TBL1XR1: variants seen among roughly 807,000 people sequenced by gnomAD.
TBL1XR1 encodes F-box-like/WD repeat-containing protein TBL1XR1.
In TBL1XR1, 5 loss-of-function variants were observed where a neutral mutation model predicts 66.9. The observed-to-expected ratio is 0.07, with a 90% CI of 0.04 to 0.16. The LOEUF (loss-of-function observed/expected upper bound fraction) is 0.16. Among genes scored for constraint, TBL1XR1 ranks in the 10% least tolerant of loss-of-function variants. The probability of loss-of-function intolerance (pLI) is 1.00; values close to 1 mark genes in which losing one functional copy is unlikely to be tolerated. For synonymous variants in TBL1XR1, 210 were observed against 206.0 expected, an observed-to-expected ratio of 1.02 and a Z score of -0.17; for missense variants, 238 against 623.2, an observed-to-expected ratio of 0.38 and a Z score of 6.58.
upstream of TBL1XR1, chr3:177,201,616 T>G (rs1232916127): frequency 6.6e-6 from 1 of 152,182 alleles, no homozygotes; most frequent in Non-Finnish European, 1.5e-5. Context: ...TCATGATGTT[T>G]TAAATTGTTT....
At chr3:177,179,573 A>G (rs1734562170) in intron 1 of TBL1XR1, among the ~76,000 whole-genome samples, 1 of 152,236 alleles carries the variant, frequency 6.6e-6, no homozygotes, top group Non-Finnish European at 1.5e-5. Flanking sequence ...AGTTTCTCCC[A>G]GGAGTGAAGC....
chr3:177,196,019 CAAAG>C lies in TBL1XR1; in HGVS notation c.-122+1098_-122+1101del, dbSNP rs539216032. 2.4e-3 allele frequency among the ~76,000 whole-genome samples: 358 copies of C among 152,210 alleles called. 1 individual carries two copies. The highest frequency in any genetic ancestry group is 7.9e-3 in the African/African-American group (329 of 41,534). On this transcript the variant is annotated intron_variant, in intron 1 of 15. Coordinates refer to ENST00000457928, the MANE Select transcript of TBL1XR1 (RefSeq NM_024665.7). ...TCTTAGAGACACTTAGATAACCTAA[CAAAG>C]AGAGCATTTTTTAAAAGCCACAACC...
intron 13 of TBL1XR1, 116 bp from the exon 14 acceptor site, chr3:177,033,252 G>A: frequency 1.3e-6 from 1 of 741,004 alleles, no homozygotes; most frequent in South Asian, 4.3e-5. Context: ...TTTATGAGAA[G>A]CAGACCGACT....
Position 177,113,851 on chromosome 3 carries a change from A to G in TBL1XR1, c.-121-15310T>C, listed in dbSNP as rs561222930. On this transcript the variant is annotated intron_variant, in intron 1 of 15. Transcript: ENST00000457928. ...TCAGTATGAACATTATCAAAAAGAC[A>G]AAAGACAACAAGTGCTGCTGAGAAT... is the stretch of plus-strand genomic sequence containing the variant. Among the ~76,000 whole-genome samples, 36 of 152,314 alleles carry G rather than the reference A, an allele frequency of 2.4e-4. No homozygotes were observed. In the East Asian group the frequency reaches 5.0e-3, roughly 21 times the overall value.
At chr3:177,046,214 T>A (rs1274373858) in intron 9 of TBL1XR1, 25 bp from the exon 10 acceptor site, 1 of 1,516,832 alleles carries the variant, frequency 6.6e-7, no homozygotes, top group Non-Finnish European at 8.8e-7. Context: ...AAAAGAAAAA[T>A]AAACTCATGG....
intron 14 of TBL1XR1, chr3:177,032,741 A>G (rs996489830): frequency 8.6e-6 from 3 of 347,170 alleles, no homozygotes; most frequent in Non-Finnish European, 1.5e-5. Flanking sequence ...AAACCGTTGG[A>G]AAAAAACAAA....
intron 2 of TBL1XR1, among the ~76,000 whole-genome samples, chr3:177,089,987 G>T (rs960425247): frequency 7.2e-5 from 11 of 152,220 alleles, no homozygotes; most frequent in African/African-American, 2.7e-4. Context: ...GGGAAAGAGG[G>T]AACCTCGTAT....
chr3:177,069,798 AAGG>A (rs796080126), intron 2 of TBL1XR1, among the ~76,000 whole-genome samples: 850 of 65,058 alleles, frequency 0.013, 6 homozygotes, highest in Non-Finnish European at 0.02. Flanking sequence ...GAAGGAAAGG[AAGG>A]AAGGAAGGAA....
At chr3:177,070,652 C>T (rs558788437) in intron 2 of TBL1XR1, among the ~76,000 whole-genome samples, 1 of 152,128 alleles carries the variant, frequency 6.6e-6, no homozygotes, top group Non-Finnish European at 1.5e-5. Flanking sequence ...AGTTCAGGGC[C>T]AGCCTGGCCA....
At chr3:177,068,958 T>G (rs1463659575) in intron 2 of TBL1XR1, among the ~76,000 whole-genome samples, 1 of 152,262 alleles carries the variant, frequency 6.6e-6, no homozygotes, top group Non-Finnish European at 1.5e-5. Flanking sequence ...AACTAAAGTA[T>G]AATTATAACT....
rs572070083 is a variant in TBL1XR1, at chr3:177,021,027, T to G, written c.*4471A>C. 1.3e-5 allele frequency: 2 copies of G among 152,282 alleles called. No homozygotes were observed. Among genetic ancestry groups the G allele is most frequent in the Admixed American group, 6.5e-5 (1 of 15,294 alleles). The allele number at this position is 152,282 out of a possible 1,614,324, so 9.4% of individuals were successfully genotyped here. ...CTGAACAATGAAGTTCTTTAACATG[T>G]ACAAAAACCTGTCATGGGCTGGTTT... On this transcript the variant is annotated 3_prime_UTR_variant, in exon 16 of 16. Transcript: ENST00000457928.
intron 3 of TBL1XR1, among the ~76,000 whole-genome samples, chr3:177,061,491 T>G (rs900907886): frequency 1.3e-5 from 2 of 152,188 alleles, no homozygotes; most frequent in Non-Finnish European, 2.9e-5. Context: ...CATAATGTGT[T>G]TTTGGACAGT....
At chr3:177,060,307 A>G (rs1215718509) in intron 3 of TBL1XR1, among the ~76,000 whole-genome samples, 2 of 152,224 alleles carry the variant, frequency 1.3e-5, no homozygotes, top group East Asian at 3.8e-4. Flanking sequence ...AGTATGCAAC[A>G]TCGGTTATTT....
chr3:177,082,822 C>A (rs1721601405), intron 2 of TBL1XR1, among the ~76,000 whole-genome samples: 1 of 144,020 alleles, frequency 6.9e-6, no homozygotes, highest in Non-Finnish European at 1.5e-5. Context: ...GTGGCACCAT[C>A]TGGGCTCACT....
intron 2 of TBL1XR1, among the ~76,000 whole-genome samples, chr3:177,086,725 T>A (rs1722170528): frequency 6.6e-6 from 1 of 151,830 alleles, no homozygotes; most frequent in Non-Finnish European, 1.5e-5. Flanking sequence ...ACGGAACATA[T>A]ACAGTTGACC....
At chr3:177,162,254 T>A (rs1732304101) in intron 1 of TBL1XR1, among the ~76,000 whole-genome samples, 1 of 152,160 alleles carries the variant, frequency 6.6e-6, no homozygotes. Flanking sequence ...AAACTACTGC[T>A]TGATACAATA....
intron 4 of TBL1XR1, among the ~76,000 whole-genome samples, chr3:177,052,460 C>T (rs891311958): frequency 1.6e-4 from 25 of 152,138 alleles, no homozygotes; most frequent in African/African-American, 6.0e-4. Context: ...AAAACACAGC[C>T]TGTCTTTCTA....
intron 3 of TBL1XR1, among the ~76,000 whole-genome samples, chr3:177,057,921 G>A (rs1349980955): frequency 6.6e-6 from 1 of 152,100 alleles, no homozygotes. Context: ...CAGGGAGTGG[G>A]GTGGCACGCA....
At chr3:177,136,157 T>A (rs923355195) in intron 1 of TBL1XR1, 3 of 152,176 alleles carry the variant, frequency 2.0e-5, no homozygotes, top group African/African-American at 7.2e-5. Context: ...AAGGCAAATA[T>A]TGCTTCATGA....
Sources: gnomAD v4.1 joint callset for allele counts (sites outside exome capture counted in the v4.1 genomes callset) on GRCh38, gnomAD v4.1.1 for gene constraint, MANE v1.5 for transcripts, NCBI Gene and HGNC (gene_info 2026-07-23, HGNC 2026-07-21) for gene names.